CCDC12: variants seen among roughly 807,000 people sequenced by gnomAD.
CCDC12 encodes coiled-coil domain containing 12.
Under a neutral mutation model 25.7 loss-of-function variants are expected in CCDC12, and 28 were observed. The ratio of observed to expected loss-of-function variants is 1.09; its 90% CI spans 0.81 to 1.50. The LOEUF is 1.50. Ranked by LOEUF, CCDC12 falls within the 40% of genes most tolerant of loss-of-function variation. CCDC12 has a pLI of 0.00. For missense variants in CCDC12, 198 were observed against 210.0 expected, an observed-to-expected ratio of 0.94 and a Z score of 0.35; for synonymous variants, 75 against 87.7, an observed-to-expected ratio of 0.86 and a Z score of 0.81.
intron 2 of CCDC12, among the ~76,000 whole-genome samples, chr3:46,940,391 G>A (rs570765233): frequency 1.3e-5 from 2 of 152,178 alleles, no homozygotes; most frequent in Admixed American, 1.3e-4. Context: ...GAGAGTATTC[G>A]ACAAAATAAG....
At chr3:46,979,218 T>C (rs2035131438), upstream of CCDC12, among the ~76,000 whole-genome samples, 1 of 152,206 alleles carries the variant, frequency 6.6e-6, no homozygotes, top group Non-Finnish European at 1.5e-5. Flanking sequence ...TGCTACTCTC[T>C]AACTTCCCGC....
At chr3:46,978,172 C>T (rs146161027), upstream of CCDC12, among the ~76,000 whole-genome samples, 206 of 152,334 alleles carry the variant, frequency 1.4e-3, 1 homozygote, top group African/African-American at 4.6e-3. Context: ...ATCTAGCCCT[C>T]CCTTCACTAA....
intron 2 of CCDC12, among the ~76,000 whole-genome samples, chr3:46,935,612 G>A (rs1042559353): frequency 6.6e-6 from 1 of 152,200 alleles, no homozygotes; most frequent in Non-Finnish European, 1.5e-5. Flanking sequence ...GCAGTACACA[G>A]GGGGCTGGGG....
At chr3:46,956,273 CA>C (rs1187374584) in intron 1 of CCDC12, among the ~76,000 whole-genome samples, 1 of 152,224 alleles carries the variant, frequency 6.6e-6, no homozygotes, top group Admixed American at 6.5e-5. Flanking sequence ...CAGCACCTGC[CA>C]AATCAGAATC....
chr3:46,973,181 C>A (rs576782864), intron 1 of CCDC12, among the ~76,000 whole-genome samples: 151 of 112,794 alleles, frequency 1.3e-3, no homozygotes, highest in Non-Finnish European at 2.4e-3. Context: ...ATGGTGACAC[C>A]CTGTCTCTAC....
chr3:46,937,395 A>C (rs1465512757), intron 2 of CCDC12, among the ~76,000 whole-genome samples: 1 of 152,220 alleles, frequency 6.6e-6, no homozygotes, highest in Admixed American at 6.5e-5. Context: ...CACTCCTCTC[A>C]GCACACTCCA....
intron 1 of CCDC12, among the ~76,000 whole-genome samples, chr3:46,961,530 G>C (rs143945078): frequency 5.9e-5 from 9 of 152,210 alleles, no homozygotes; most frequent in Admixed American, 3.3e-4. Flanking sequence ...TCTTCCCTGG[G>C]AGTCCATGTT....
chr3:46,969,317 TTC>T (rs1364201630), intron 1 of CCDC12, among the ~76,000 whole-genome samples: 22 of 152,230 alleles, frequency 1.4e-4, no homozygotes, highest in Admixed American at 1.1e-3. Context: ...ATTTTTTTCT[TTC>T]TGTTTGTTTT....
At chr3:46,923,540 A>G (rs1244299016) in intron 4 of CCDC12, 67 bp downstream of exon 4, 10 of 1,529,230 alleles carry the variant, frequency 6.5e-6, no homozygotes, top group Non-Finnish European at 8.1e-6. Context: ...GCAGAGGGAG[A>G]GCAAGTGGCG....
At chr3:46,964,068 G>GA (rs2034557195) in intron 1 of CCDC12, among the ~76,000 whole-genome samples, 1 of 149,346 alleles carries the variant, frequency 6.7e-6, no homozygotes. Flanking sequence ...TTGCCCCGCC[G>GA]CCCCGTCTGG....
At chr3:46,957,115 T>G (rs1183477400) in intron 1 of CCDC12, among the ~76,000 whole-genome samples, 2 of 152,166 alleles carry the variant, frequency 1.3e-5, no homozygotes, top group Non-Finnish European at 2.9e-5. Flanking sequence ...CCAGCCTGCC[T>G]TGAAGCAGGA....
Position 46,922,332 on chromosome 3 carries a change from A to C in CCDC12, c.342-20T>G. 1 of 1,614,102 alleles carries C rather than the reference A, an allele frequency of 6.2e-7. No individual in the cohort carries two copies. Among genetic ancestry groups the C allele is most frequent in the Non-Finnish European group, 8.5e-7 (1 of 1,179,940 alleles). ...AGGTCCCTGGAGCAGGGAGGCAGGG[A>C]GAAGCAGGAAGGTGAAGGCTGGCCT... On this transcript the variant is annotated intron_variant, in intron 5 of 6. Transcript: ENST00000683445.
intron 1 of CCDC12, chr3:46,976,405 T>A: frequency 7.1e-7 from 1 of 1,412,296 alleles, no homozygotes; most frequent in Non-Finnish European, 9.2e-7. Context: ...CGCTGACCAC[T>A]GCCTTGCCCA....
upstream of CCDC12, chr3:46,976,957 CAAAAAAAAAAAAGA>C (rs1410762697): frequency 9.6e-5 from 30 of 312,672 alleles, no homozygotes; most frequent in South Asian, 2.2e-3. Flanking sequence ...GGGGAGCCAG[CAAAAAAAAAAAAGA>C]AAAAAAAAAA....
At chr3:46,923,989 G>A (rs540207542) in intron 3 of CCDC12, 1 of 268,396 alleles carries the variant, frequency 3.7e-6, no homozygotes, top group South Asian at 1.7e-4. Flanking sequence ...AGTGAGGACT[G>A]GCTTCTCACA....
chr3:46,947,120 G>A (rs2033938740), intron 1 of CCDC12, among the ~76,000 whole-genome samples: 1 of 152,282 alleles, frequency 6.6e-6, no homozygotes, highest in South Asian at 2.1e-4. Context: ...TAATGTCCAT[G>A]GGAAACTGCC....
chr3:46,929,445 G>A (rs1006999437), intron 2 of CCDC12, among the ~76,000 whole-genome samples: 2 of 152,158 alleles, frequency 1.3e-5, no homozygotes, highest in South Asian at 4.1e-4. Context: ...TTGGAGACTG[G>A]GCAGGGTGTG....
At position 46,938,377 on chromosome 3, in the gene CCDC12, G is replaced by GT. The variant is rs1465403010; in HGVS notation, c.164+2620dup. ...AGCCTGGAACTACACATGCCCTTTG[G>GT]TTTTTTTCCCACAGTTTTCATTATG... On this transcript the variant is annotated intron_variant, in intron 2 of 6. Transcript: ENST00000683445. Among the ~76,000 whole-genome samples the GT allele has an allele frequency of 7.9e-5, 12 of 151,984 alleles. 1 individual carries two copies. The East Asian group carries it at 2.3e-3, about 29-fold the overall frequency.
upstream of CCDC12, chr3:46,979,859 G>C (rs1366540100): frequency 2.6e-5 from 12 of 467,098 alleles, no homozygotes; most frequent in Non-Finnish European, 4.6e-5. Context: ...GCCGGGCCGG[G>C]CCATGGCCGC....
Sources: allele counts gnomAD v4.1 joint callset (sites outside exome capture counted in the v4.1 genomes callset), GRCh38; gene constraint gnomAD v4.1.1; transcripts MANE v1.5; gene names NCBI Gene and HGNC (gene_info 2026-07-23, HGNC 2026-07-21).